Variants in SLIT3 observed in about 807,000 individuals in gnomAD.
SLIT3 encodes slit guidance ligand 3, also known as slit homolog 3 protein.
A neutral mutation model predicts 184.0 loss-of-function variants in SLIT3; 68 were observed. The observed-to-expected ratio is 0.37, with a 90% confidence interval of 0.30 to 0.45. The LOEUF (loss-of-function observed/expected upper bound fraction) is 0.45. Among genes scored for constraint, SLIT3 ranks in the 20% least tolerant of loss-of-function variants. SLIT3 has a pLI of 1.00. For missense variants in SLIT3, 1,707 were observed against 2,026.0 expected (o/e 0.84, Z 3.02); for synonymous variants, 831 against 828.6 (o/e 1.00, Z -0.05).
rs779681420 is a variant in SLIT3 at position 168,685,927 on chromosome 5, A to G, written c.3315T>C (p.Ser1105=). The part of the protein sequence containing the change: ...GYTCTCPQGF[S]GPFCEHPPPM... The stretch of plus-strand genomic sequence containing the variant: ...GTGGGGGGTGTTCACAGAAGGGTCC[A>G]CTGGAAGGCAGGAGAGAATGGGGAG... The change falls in exon 31 of 36, where the codon AGT becomes AGC. Residue 1105 remains serine, a splice_region_variant and synonymous_variant. Transcript: ENST00000519560. The G allele has an allele frequency of 3.7e-6, 6 of 1,606,290 alleles. No individual in the cohort carries two copies. The Admixed American group carries it at 5.1e-5, about 14-fold the overall frequency.
At chr5:168,870,374 T>C (rs1207504007) in intron 5 of SLIT3, among the ~76,000 whole-genome samples, 1 of 152,232 alleles carries the variant, frequency 6.6e-6, no homozygotes, top group Non-Finnish European at 1.5e-5. Context: ...CAAGGATATC[T>C]GGAAACTTTC....
At chr5:168,816,885 C>A (rs1757348717) in intron 8 of SLIT3, among the ~76,000 whole-genome samples, 1 of 152,122 alleles carries the variant, frequency 6.6e-6, no homozygotes, top group Non-Finnish European at 1.5e-5. Context: ...CTGAGATTTC[C>A]AGCCAAGCAG....
At chr5:168,828,907 C>T (rs755922488) in intron 6 of SLIT3, among the ~76,000 whole-genome samples, 5 of 152,150 alleles carry the variant, frequency 3.3e-5, no homozygotes, top group African/African-American at 4.8e-5. Flanking sequence ...ACAGGATGCT[C>T]TTTTGCAGCA....
chr5:168,739,474 G>A (rs1763548925), intron 20 of SLIT3, among the ~76,000 whole-genome samples: 1 of 150,036 alleles, frequency 6.7e-6, no homozygotes, highest in Non-Finnish European at 1.5e-5. Flanking sequence ...CCAGGCTGGA[G>A]TGCAACGGCG....
intron 4 of SLIT3, among the ~76,000 whole-genome samples, chr5:169,088,466 A>G (rs1759410466): frequency 6.6e-6 from 1 of 151,980 alleles, no homozygotes; most frequent in Admixed American, 6.5e-5. Context: ...TGGCATAAGA[A>G]TAGCAAACCC....
intron 4 of SLIT3, among the ~76,000 whole-genome samples, chr5:169,003,731 CTT>C (rs948773487): frequency 3.9e-5 from 6 of 152,322 alleles, no homozygotes; most frequent in African/African-American, 1.4e-4. Context: ...AGGGGACTCT[CTT>C]TTTTTCCTTA....
At position 168,989,572 on chromosome 5, in the gene SLIT3, C is replaced by T. The variant is rs187133405; in HGVS notation, c.414-106236G>A. On this transcript the variant is annotated intron_variant, in intron 4 of 35. Transcript: ENST00000519560. The stretch of plus-strand genomic sequence containing the variant: ...ATGTAATTCTGAAAGTTCTAAAGCG[C>T]GAACTAGTTGTATCCTAAAAGAGTG... Among the ~76,000 whole-genome samples the T allele has an allele frequency of 2.0e-4, 31 of 152,280 alleles. 1 individual carries two copies. The South Asian group carries it at 2.3e-3, about 11-fold the overall frequency.
intron 20 of SLIT3, among the ~76,000 whole-genome samples, chr5:168,746,032 A>AATG (rs1252077402): frequency 1.3e-5 from 2 of 152,228 alleles, no homozygotes; most frequent in African/African-American, 4.8e-5. Context: ...TTTCCAACAC[A>AATG]ATGAGATTGC....
intron 28 of SLIT3, among the ~76,000 whole-genome samples, chr5:168,693,734 G>T (rs1173606001): frequency 2.0e-5 from 3 of 152,158 alleles, no homozygotes; most frequent in Non-Finnish European, 4.4e-5. Context: ...AGGGCTGGCT[G>T]CAGGGTAATG....
chr5:168,818,575 G>A (rs1167223754), intron 7 of SLIT3, among the ~76,000 whole-genome samples: 1 of 152,218 alleles, frequency 6.6e-6, no homozygotes, highest in Admixed American at 6.5e-5. Flanking sequence ...CATTTCGGAT[G>A]CACATTTTAA....
chr5:169,195,969 T>A (rs2113476302), intron 3 of SLIT3, among the ~76,000 whole-genome samples: 1 of 152,320 alleles, frequency 6.6e-6, no homozygotes. Flanking sequence ...TATATTCACA[T>A]CATTGAACAA....
chr5:169,036,428 G>A (rs999349755), intron 4 of SLIT3: 3 of 152,180 alleles, frequency 2.0e-5, no homozygotes, highest in African/African-American at 7.2e-5. Flanking sequence ...CTCCAATTAT[G>A]CATCAAATTC....
rs766616165 is a variant in SLIT3 at position 168,806,470 on chromosome 5, T to C, written c.911A>G (p.Asn304Ser). 7 of 1,614,050 alleles carry C rather than the reference T, an allele frequency of 4.3e-6. No individual in the cohort carries two copies. The highest frequency in any genetic ancestry group is 5.9e-6 in the Non-Finnish European group (7 of 1,180,034). ...RGKGLMEIPA[N>S]LPEGIVEIRL... ...CATTTCGACGATGCCCTCCGGCAAG[T>C]TGGCAGGAATCTCCATCAAGCCCTT... Residue 304 changes from asparagine to serine, a missense_variant, in exon 9 of 36, where the codon AAC becomes AGC. This residue lies in a region of SLIT3 where 1,307 missense variants were observed against 1,511.6 expected (regional missense o/e 0.86). Transcript: ENST00000519560.
chr5:169,274,929 G>A (rs1766751489), intron 1 of SLIT3, among the ~76,000 whole-genome samples: 1 of 152,216 alleles, frequency 6.6e-6, no homozygotes, highest in African/African-American at 2.4e-5. Flanking sequence ...GGGTTGTTGT[G>A]AGAATTAAAC....
intron 23 of SLIT3, 200 bp from the exon 24 acceptor site, chr5:168,712,554 G>C (rs751777529): frequency 6.5e-5 from 38 of 581,034 alleles, no homozygotes; most frequent in Non-Finnish European, 1.1e-4. Flanking sequence ...AGGGAGTAGA[G>C]GGTTTGCGGA....
chr5:168,787,733 A>T (rs1245393160), intron 11 of SLIT3, among the ~76,000 whole-genome samples: 1 of 151,998 alleles, frequency 6.6e-6, no homozygotes, highest in Non-Finnish European at 1.5e-5. Context: ...GGGTCTCTAG[A>T]CCCCAAAATA....
intron 4 of SLIT3, among the ~76,000 whole-genome samples, chr5:168,953,265 C>G (rs565939206): frequency 6.6e-6 from 1 of 152,324 alleles, no homozygotes; most frequent in South Asian, 2.1e-4. Flanking sequence ...ATCAGTGCGA[C>G]CTTCATGCAT....
intron 4 of SLIT3, among the ~76,000 whole-genome samples, chr5:169,165,854 C>T (rs1029685162): frequency 6.6e-6 from 1 of 152,182 alleles, no homozygotes; most frequent in Admixed American, 6.5e-5. Flanking sequence ...AGAATATGAG[C>T]CCTCTAAGGA....
intron 4 of SLIT3, among the ~76,000 whole-genome samples, chr5:169,035,633 T>A (rs185674479): frequency 2.1e-4 from 28 of 133,728 alleles, no homozygotes; most frequent in African/African-American, 7.6e-4. Context: ...TGGGTGACAG[T>A]GAGACTGCAT....
Sources: gnomAD v4.1 joint callset for allele counts (sites outside exome capture counted in the v4.1 genomes callset) on GRCh38, gnomAD v4.1.1 for gene constraint, gnomAD v4.1.1 regional missense constraint, MANE v1.5 for transcripts, NCBI Gene and HGNC (gene_info 2026-07-23, HGNC 2026-07-21) for gene names.